ATP2C1: variants seen among roughly 807,000 people sequenced by gnomAD.
The protein encoded by ATP2C1 is calcium-transporting ATPase type 2C member 1.
ATP2C1 carries 31 observed loss-of-function variants against 120.5 expected under a neutral mutation model. The observed-to-expected ratio is 0.26, with a 90% CI of 0.19 to 0.35. The LOEUF (loss-of-function observed/expected upper bound fraction) is 0.35, where lower values mean the gene tolerates loss of function less well. Among genes scored for constraint, ATP2C1 ranks in the 10% least tolerant of loss-of-function variants. The pLI is 1.00. For synonymous variants in ATP2C1, 351 were observed against 358.7 expected (o/e 0.98, Z 0.24); for missense variants, 731 against 1,107.5 (o/e 0.66, Z 4.83).
intron 2 of ATP2C1, among the ~76,000 whole-genome samples, chr3:130,895,121 G>A (rs186871805): frequency 1.2e-4 from 19 of 152,154 alleles, no homozygotes; most frequent in Admixed American, 2.6e-4. Context: ...GTGGAAATGG[G>A]GGACAAGGGG....
At chr3:130,981,808 T>C (rs2061778351) in intron 20 of ATP2C1, among the ~76,000 whole-genome samples, 1 of 152,212 alleles carries the variant, frequency 6.6e-6, no homozygotes, top group Non-Finnish European at 1.5e-5. Flanking sequence ...TCACAACTAG[T>C]GATGTTGAAT....
chr3:130,885,037 G>A lies in ATP2C1; in HGVS notation c.108+34109G>A, dbSNP rs192105568. Among the ~76,000 whole-genome samples, 251 of 150,660 alleles carry A rather than the reference G, an allele frequency of 1.7e-3. 2 individuals are homozygous for A. The highest frequency in any genetic ancestry group is 2.0e-4 in the East Asian group (1 of 5,078). On this transcript the variant is annotated intron_variant, in intron 1 of 26. Transcript: ENST00000504381. The stretch of plus-strand genomic sequence containing the variant: ...CAACCTCCGCCTCCTGGGTTCAAGC[G>A]ATTCTCCTGCCTCAGCCTCTGGAGT...
chr3:130,877,546 C>T (rs994034496), intron 1 of ATP2C1, among the ~76,000 whole-genome samples: 6 of 152,192 alleles, frequency 3.9e-5, no homozygotes, highest in Non-Finnish European at 5.9e-5. Context: ...AAATGCTCAT[C>T]ATCACTGGAC....
rs548736970 is a variant in ATP2C1, at chr3:130,970,328, G to T, written c.1413+932G>T. Reference sequence around the variant, plus strand: ...GTTGCAGTGAGCCGAGATCACCCCAGTGCACTCCAGCCTGGGCAACAGCCT... The same window carrying T: ...GTTGCAGTGAGCCGAGATCACCCCATTGCACTCCAGCCTGGGCAACAGCCT... On this transcript the variant is annotated intron_variant, in intron 17 of 27. Transcript: ENST00000510168. Among the ~76,000 whole-genome samples the T allele has an allele frequency of 2.0e-5, 3 of 149,100 alleles. No individual in the cohort carries two copies. The South Asian group carries it at 6.4e-4, about 32-fold the overall frequency.
intron 1 of ATP2C1, among the ~76,000 whole-genome samples, chr3:130,856,648 T>C (rs2067851164): frequency 6.6e-6 from 1 of 152,210 alleles, no homozygotes; most frequent in African/African-American, 2.4e-5. Context: ...CTTAGCCCCA[T>C]GCTTATGATC....
chr3:130,867,635 C>T (rs1348144360), intron 1 of ATP2C1, among the ~76,000 whole-genome samples: 3 of 151,668 alleles, frequency 2.0e-5, no homozygotes, highest in African/African-American at 7.3e-5. Flanking sequence ...GATCTTGGCT[C>T]GCTACAACCT....
chr3:130,891,488 C>T (rs1234725828), upstream of ATP2C1, among the ~76,000 whole-genome samples: 4 of 152,142 alleles, frequency 2.6e-5, no homozygotes, highest in South Asian at 6.2e-4. Context: ...CCACTTTTTG[C>T]ATCAGATGCA....
intron 1 of ATP2C1, among the ~76,000 whole-genome samples, chr3:130,863,773 C>T (rs1298392341): frequency 6.6e-6 from 1 of 152,140 alleles, no homozygotes; most frequent in South Asian, 2.1e-4. Context: ...GGGGTTTCTG[C>T]TTTTGCTTCT....
chr3:130,915,137 A>G (rs927126024), intron 2 of ATP2C1, among the ~76,000 whole-genome samples: 2 of 151,194 alleles, frequency 1.3e-5, no homozygotes, highest in Non-Finnish European at 2.9e-5. Context: ...TCTGTTGCCC[A>G]GGCTGGAGTG....
At chr3:130,970,568 A>AT (rs998600310) in intron 17 of ATP2C1, among the ~76,000 whole-genome samples, 3 of 151,864 alleles carry the variant, frequency 2.0e-5, no homozygotes, top group East Asian at 2.0e-4. Flanking sequence ...AATTTTGCTA[A>AT]TTTTTTGTAG....
At chr3:130,928,822 ATTC>A (rs2059329985) in intron 2 of ATP2C1, among the ~76,000 whole-genome samples, 2 of 152,162 alleles carry the variant, frequency 1.3e-5, no homozygotes, top group Non-Finnish European at 2.9e-5. Context: ...AATATATTTG[ATTC>A]TTCTTAATTT....
chr3:130,922,921 T>C (rs2059032485), intron 2 of ATP2C1, among the ~76,000 whole-genome samples: 1 of 152,220 alleles, frequency 6.6e-6, no homozygotes, highest in Non-Finnish European at 1.5e-5. Flanking sequence ...GTGAAAAGAA[T>C]GTATATTCTG....
intron 2 of ATP2C1, among the ~76,000 whole-genome samples, chr3:130,926,003 T>C (rs1405245665): frequency 6.6e-6 from 1 of 152,152 alleles, no homozygotes; most frequent in Non-Finnish European, 1.5e-5. Flanking sequence ...ACCAAGTCTT[T>C]TTCCAGGTAG....
chr3:130,908,302 A>G (rs898325556), intron 2 of ATP2C1, among the ~76,000 whole-genome samples: 1 of 152,114 alleles, frequency 6.6e-6, no homozygotes, highest in African/African-American at 2.4e-5. Context: ...AAAAGACAGG[A>G]GTCAGCCTAA....
intron 1 of ATP2C1, among the ~76,000 whole-genome samples, chr3:130,858,114 T>A (rs1296586362): frequency 2.0e-5 from 3 of 152,198 alleles, no homozygotes; most frequent in Non-Finnish European, 2.9e-5. Flanking sequence ...TTCTTCTGCC[T>A]GCTTTATTCT....
At chr3:130,893,722 G>T (rs1401656775), upstream of ATP2C1, among the ~76,000 whole-genome samples, 2 of 152,198 alleles carry the variant, frequency 1.3e-5, no homozygotes, top group African/African-American at 4.8e-5. Flanking sequence ...CGCCCCACGG[G>T]AATGCGTGGC....
chr3:130,965,169 TTC>T lies in ATP2C1; in HGVS notation c.1122+132_1122+133del. On this transcript the variant is annotated intron_variant, in intron 14 of 27. Transcript: ENST00000510168. ...GCTGTAAATTAGTAGTGGAGTTATTTTCTCTCTCTGTGATTTTACCAAGTCTT... is the reference window on the plus strand; with the variant it reads ...GCTGTAAATTAGTAGTGGAGTTATTTTCTCTCTGTGATTTTACCAAGTCTT... 1.3e-5 allele frequency: 9 copies of T among 704,252 alleles called. No homozygotes were observed. In the South Asian group the frequency reaches 1.4e-4, roughly 11 times the overall value. The allele number at this position is 704,252 out of a possible 1,614,324, so 43.6% of individuals were successfully genotyped here.
chr3:130,867,798 A>T (rs1485200351), intron 1 of ATP2C1, among the ~76,000 whole-genome samples: 2 of 101,394 alleles, frequency 2.0e-5, no homozygotes, highest in Non-Finnish European at 4.1e-5. Flanking sequence ...CCCAGTCTGG[A>T]AAGTGAGGAG....
At chr3:130,991,885 G>T (rs1560023431) in intron 20 of ATP2C1, among the ~76,000 whole-genome samples, 2 of 152,178 alleles carry the variant, frequency 1.3e-5, no homozygotes, top group Non-Finnish European at 2.9e-5. Flanking sequence ...GAAGCAAGGT[G>T]GTCGGCTGAG....
Sources: gnomAD v4.1 joint callset for allele counts (sites outside exome capture counted in the v4.1 genomes callset) on GRCh38, gnomAD v4.1.1 for gene constraint, MANE v1.5 for transcripts, NCBI Gene and HGNC (gene_info 2026-07-23, HGNC 2026-07-21) for gene names.